KCNMA1: variants seen among roughly 807,000 people sequenced by gnomAD.
KCNMA1 encodes the protein Calcium-activated potassium channel subunit alpha-1.
A neutral mutation model predicts 140.0 loss-of-function variants in KCNMA1; 29 were observed. The observed-to-expected ratio is 0.21, with a 90% CI of 0.15 to 0.28. KCNMA1 has a LOEUF of 0.28. Ranked by LOEUF, KCNMA1 falls within the 10% of genes least tolerant of loss-of-function variation. The pLI, the probability that KCNMA1 is intolerant of heterozygous loss-of-function variation, is 1.00. For missense variants in KCNMA1, 880 were observed against 1,602.2 expected, an observed-to-expected ratio of 0.55 and a Z score of 7.70; for synonymous variants, 612 against 611.9, an observed-to-expected ratio of 1.00 and a Z score of 0.00.
At chr10:76,939,288 T>C (rs898425810) in intron 23 of KCNMA1, 2 of 152,154 alleles carry the variant, frequency 1.3e-5, no homozygotes, top group South Asian at 2.1e-4. Flanking sequence ...GCCTTGCTAA[T>C]TTTTTGTATT....
At chr10:77,456,704 G>A (rs556901463) in intron 1 of KCNMA1, among the ~76,000 whole-genome samples, 1 of 152,306 alleles carries the variant, frequency 6.6e-6, no homozygotes, top group African/African-American at 2.4e-5. Flanking sequence ...CATCCATGGT[G>A]TGGTTTCCCC....
chr10:77,131,964 CAAAAAAAAAAA>C (rs34972346), intron 5 of KCNMA1, among the ~76,000 whole-genome samples: 1 of 92,520 alleles, frequency 1.1e-5, no homozygotes, highest in Non-Finnish European at 2.2e-5. Flanking sequence ...GACTCGGTCT[CAAAAAAAAAAA>C]AAAAAAAGAA....
intron 3 of KCNMA1, among the ~76,000 whole-genome samples, chr10:77,196,689 C>T (rs570843534): frequency 3.3e-5 from 5 of 152,240 alleles, no homozygotes; most frequent in Admixed American, 6.5e-5. Context: ...AAGAAGCATT[C>T]GGCTTTGTTT....
At chr10:77,313,421 C>T (rs577965538) in intron 2 of KCNMA1, among the ~76,000 whole-genome samples, 3 of 152,314 alleles carry the variant, frequency 2.0e-5, no homozygotes, top group Non-Finnish European at 2.9e-5. Context: ...AGGGCCTTCA[C>T]AGCACTGCCA....
At position 77,079,350 on chromosome 10, in the gene KCNMA1, G is replaced by A. The variant is rs114305159; in HGVS notation, c.1593+131C>T. ...CTCTTTACCCAGGTCTTTGAGTTGC[G>A]CACATGTGGGCATGTGAGAGTGTGT... On this transcript the variant is annotated intron_variant, in intron 13 of 27. Coordinates refer to ENST00000286628, the MANE Select transcript of KCNMA1 (RefSeq NM_001161352.2). 1,573 of 712,590 alleles carry A rather than the reference G, an allele frequency of 2.2e-3. 17 individuals carry two copies. The African/African-American group carries it at 0.025, about 11-fold the overall frequency. The allele number at this position is 712,590 out of a possible 1,614,324, so 44.1% of individuals were successfully genotyped here. A position where few individuals can be genotyped will look rare whatever the true frequency, so the allele number is the denominator to read the frequency against.
chr10:77,539,190 G>A (rs1416333132), intron 1 of KCNMA1, among the ~76,000 whole-genome samples: 4 of 152,162 alleles, frequency 2.6e-5, no homozygotes, highest in African/African-American at 4.8e-5. Flanking sequence ...TCAAGAGCCT[G>A]CAAGGCCATT....
At chr10:77,536,465 C>T (rs1221294806) in intron 1 of KCNMA1, among the ~76,000 whole-genome samples, 1 of 152,178 alleles carries the variant, frequency 6.6e-6, no homozygotes. Flanking sequence ...GACAGTAATG[C>T]CAATATTTTT....
chr10:77,004,568 C>T (rs1327699087), intron 18 of KCNMA1, among the ~76,000 whole-genome samples: 1 of 152,178 alleles, frequency 6.6e-6, no homozygotes, highest in Non-Finnish European at 1.5e-5. Context: ...TTATACAAAT[C>T]ATGAACAAAC....
intron 2 of KCNMA1, among the ~76,000 whole-genome samples, chr10:77,382,994 G>GTGTGTGTA (rs1491457588): frequency 6.7e-4 from 31 of 46,428 alleles, no homozygotes; most frequent in Admixed American, 1.1e-3. Flanking sequence ...GTGTGTGTGT[G>GTGTGTGTA]TATATATATA....
At chr10:77,439,160 A>AAG (rs1555338165) in intron 1 of KCNMA1, among the ~76,000 whole-genome samples, 1 of 136,786 alleles carries the variant, frequency 7.3e-6, no homozygotes, top group African/African-American at 2.7e-5. Context: ...AAGAGAAGAG[A>AAG]AGAAAAGAAA....
intron 3 of KCNMA1, among the ~76,000 whole-genome samples, chr10:77,201,838 T>C (rs1454756524): frequency 6.7e-6 from 1 of 149,980 alleles, no homozygotes. Context: ...AAAAAAAAAG[T>C]GCTTGTAAAA....
At chr10:77,583,027 A>G (rs2076300546) in intron 1 of KCNMA1, among the ~76,000 whole-genome samples, 1 of 152,224 alleles carries the variant, frequency 6.6e-6, no homozygotes, top group Non-Finnish European at 1.5e-5. Context: ...AGTCCACAGC[A>G]ATCTGTGCCT....
chr10:77,446,434 T>C (rs1298870419), intron 1 of KCNMA1, among the ~76,000 whole-genome samples: 1 of 152,168 alleles, frequency 6.6e-6, no homozygotes, highest in Non-Finnish European at 1.5e-5. Context: ...TTAGGGAAGC[T>C]GTACCCAGAT....
intron 2 of KCNMA1, among the ~76,000 whole-genome samples, chr10:77,284,791 G>A (rs1208802484): frequency 1.3e-5 from 2 of 151,852 alleles, no homozygotes; most frequent in Non-Finnish European, 2.9e-5. Flanking sequence ...TAGGATTACA[G>A]GTGTGAACCA....
rs1405143621 is a variant in KCNMA1, at chr10:77,296,917, G to GGC, written c.541-45662_541-45661insGC. On this transcript the variant is annotated intron_variant, in intron 2 of 27. Transcript: ENST00000286628. The stretch of plus-strand genomic sequence containing the variant: ...GGAATGCCTGGGTGTGTGGGCGGGG[G>GGC]GGCGGTGGGGGAATGTAGAGAAGAA... Among the ~76,000 whole-genome samples, 2 of 149,018 alleles carry GGC rather than the reference G, an allele frequency of 1.3e-5. 1 individual carries two copies. The highest frequency in any genetic ancestry group is 1.3e-4 in the Admixed American group (2 of 14,858).
intron 3 of KCNMA1, among the ~76,000 whole-genome samples, chr10:77,227,429 G>A (rs2051878686): frequency 6.6e-6 from 1 of 152,086 alleles, no homozygotes; most frequent in Admixed American, 6.6e-5. Flanking sequence ...TATACTCCCT[G>A]GGAACCAAAT....
At chr10:76,909,240 C>A (rs2049059955) in intron 25 of KCNMA1, among the ~76,000 whole-genome samples, 1 of 152,128 alleles carries the variant, frequency 6.6e-6, no homozygotes, top group African/African-American at 2.4e-5. Flanking sequence ...AATTGTACTG[C>A]CCAATACCAC....
intron 1 of KCNMA1, among the ~76,000 whole-genome samples, chr10:77,474,390 G>A (rs558043777): frequency 6.6e-6 from 1 of 152,270 alleles, no homozygotes; most frequent in South Asian, 2.1e-4. Flanking sequence ...CAGGAGATTA[G>A]GACATGGACA....
rs561045945 is a variant in KCNMA1, at chr10:77,337,035, C to T, written c.540+66827G>A. ...CTTAGAGAATCAACAAGTAGTTGGA[C>T]TAGTCAGTGCTGGGATGAGAACATG... On this transcript the variant is annotated intron_variant, in intron 2 of 27. Transcript: ENST00000286628. Among the ~76,000 whole-genome samples the T allele has an allele frequency of 2.0e-5, 3 of 152,290 alleles. No individual in the cohort carries two copies. In the East Asian group the frequency reaches 5.8e-4, roughly 29 times the overall value.
Sources: allele counts gnomAD v4.1 joint callset (sites outside exome capture counted in the v4.1 genomes callset), GRCh38; gene constraint gnomAD v4.1.1; transcripts MANE v1.5; gene names NCBI Gene and HGNC (gene_info 2026-07-23, HGNC 2026-07-21).